Variants in ADRA1B observed in about 807,000 individuals in gnomAD.
The protein encoded by ADRA1B is adrenoceptor alpha 1B.
ADRA1B carries 17 observed loss-of-function variants against 17.9 expected under a neutral mutation model. That is an observed-to-expected ratio of 0.95 (90% CI 0.65 to 1.42). ADRA1B has a LOEUF of 1.42. Ranked by LOEUF, ADRA1B falls within the 40% of genes most tolerant of loss-of-function variation. The pLI is 0.00. For synonymous variants in ADRA1B, 366 were observed against 327.6 expected (o/e 1.12, Z -1.27); for missense variants, 681 against 722.1 (o/e 0.94, Z 0.65).
the ADRA1B span, among the ~76,000 whole-genome samples, chr5:159,980,267 G>A: frequency 6.6e-6 from 1 of 152,052 alleles, no homozygotes; most frequent in South Asian, 2.1e-4. Context: ...GCCCCATTAC[G>A]GTTTTCATGT....
At chr5:159,935,737 G>A (rs1286980663) in intron 1 of ADRA1B, among the ~76,000 whole-genome samples, 1 of 152,112 alleles carries the variant, frequency 6.6e-6, no homozygotes, top group Non-Finnish European at 1.5e-5. Flanking sequence ...AGTAGAGACA[G>A]GGTTTCGCCA....
intron 1 of ADRA1B, among the ~76,000 whole-genome samples, chr5:159,871,662 C>G (rs370238683): frequency 1.2e-4 from 19 of 152,062 alleles, no homozygotes; most frequent in South Asian, 4.2e-4. Flanking sequence ...CTTCAAAAGC[C>G]CCATTTCCAT....
At chr5:159,973,970 ACTT>A (rs1440392939), downstream of ADRA1B, among the ~76,000 whole-genome samples, 7 of 152,042 alleles carry the variant, frequency 4.6e-5, no homozygotes, top group Non-Finnish European at 8.8e-5. Context: ...TTTTCTTTCT[ACTT>A]TGCTTTTCTA....
At chr5:159,971,855 T>TGGGGG in intron 1 of ADRA1B, 24 bp from the exon 2 acceptor site, 2 of 435,032 alleles carry the variant, frequency 4.6e-6, no homozygotes, top group East Asian at 7.7e-5. Context: ...TTTCTGCCCG[T>TGGGGG]GCCCACCCCC....
chr5:159,878,522 T>A (rs1364133492), intron 1 of ADRA1B, among the ~76,000 whole-genome samples: 1 of 147,288 alleles, frequency 6.8e-6, no homozygotes, highest in Non-Finnish European at 1.5e-5. Context: ...AATGTGTTAT[T>A]GGCTGATAAC....
At chr5:159,962,566 G>A (rs758126876) in intron 1 of ADRA1B, among the ~76,000 whole-genome samples, 43 of 152,116 alleles carry the variant, frequency 2.8e-4, no homozygotes, top group Non-Finnish European at 5.4e-4. Context: ...ATCCCACCCT[G>A]CTCAGGGAGC....
chr5:159,938,846 G>A (rs1755027161), intron 1 of ADRA1B, among the ~76,000 whole-genome samples: 2 of 152,226 alleles, frequency 1.3e-5, no homozygotes, highest in Non-Finnish European at 2.9e-5. Flanking sequence ...CCTCAGCGAT[G>A]CCTAGAAAAT....
the ADRA1B span, among the ~76,000 whole-genome samples, chr5:159,979,084 G>T: frequency 6.6e-6 from 1 of 152,132 alleles, no homozygotes; most frequent in Admixed American, 6.6e-5. Context: ...TCAGCACTTT[G>T]GGAGGCCGAG....
At chr5:159,947,944 A>G in intron 1 of ADRA1B, 1 of 985,452 alleles carries the variant, frequency 1.0e-6, no homozygotes, top group South Asian at 4.7e-5. Flanking sequence ...TCCAAGCTCC[A>G]GCTGTCCCTG....
In ADRA1B at chr5:159,901,390, AGGAGGAGGAGGAGGAAGG is replaced by A. The variant is rs1369431002; in HGVS notation, c.-255-14721_-255-14704del. 1.2e-4 allele frequency among the ~76,000 whole-genome samples: 13 copies of A among 107,464 alleles called. No homozygotes were observed. The East Asian group carries it at 3.7e-3, about 31-fold the overall frequency. 70.5% of individuals were successfully genotyped at this position (107,464 alleles called of 152,430 possible). A position where few individuals can be genotyped will look rare whatever the true frequency, so the allele number is the denominator to read the frequency against. ...TACAAGAAGAGGAAGGAGGAGGAGG[AGGAGGAGGAGGAGGAAGG>A]GGAGGAGAAGGGGGAGGGAGAGGGG... On this transcript the variant is annotated intron_variant, in intron 1 of 2. Coordinates refer to the ADRA1B transcript ENST00000641205.
intron 1 of ADRA1B, among the ~76,000 whole-genome samples, chr5:159,931,195 A>G (rs1483726719): frequency 1.4e-5 from 2 of 143,474 alleles, no homozygotes; most frequent in Non-Finnish European, 3.0e-5. Flanking sequence ...TTCGAGACCA[A>G]TCTGGGCAAC....
At chr5:159,882,259 T>C (rs1209275054) in intron 1 of ADRA1B, among the ~76,000 whole-genome samples, 2 of 152,160 alleles carry the variant, frequency 1.3e-5, no homozygotes, top group Non-Finnish European at 2.9e-5. Flanking sequence ...CCTCAGACCT[T>C]GAGGGTTCCC....
chr5:159,948,015 A>C, intron 1 of ADRA1B: 1 of 985,460 alleles, frequency 1.0e-6, no homozygotes. Flanking sequence ...CTGCTGTCTA[A>C]TTAGTAAGCA....
At chr5:159,874,612 T>C (rs565417455) in intron 1 of ADRA1B, among the ~76,000 whole-genome samples, 11 of 152,342 alleles carry the variant, frequency 7.2e-5, no homozygotes, top group African/African-American at 2.6e-4. Flanking sequence ...TTCTCTGAAG[T>C]CTTGCAACAA....
At chr5:159,962,623 A>G (rs1020700937) in intron 1 of ADRA1B, among the ~76,000 whole-genome samples, 2 of 151,812 alleles carry the variant, frequency 1.3e-5, no homozygotes, top group Admixed American at 1.3e-4. Flanking sequence ...TTGGCGGCAC[A>G]TAACAAGGAC....
At chr5:159,868,227 GATA>G (rs1753687406) in intron 1 of ADRA1B, 1 of 152,304 alleles carries the variant, frequency 6.6e-6, no homozygotes, top group African/African-American at 2.4e-5. Context: ...GGTTAATAAT[GATA>G]ATAAATTATG....
chr5:159,965,210 C>T (rs1180215441), intron 1 of ADRA1B, among the ~76,000 whole-genome samples: 1 of 152,192 alleles, frequency 6.6e-6, no homozygotes, highest in East Asian at 1.9e-4. Flanking sequence ...GAGTCACTCC[C>T]CTCACCCTCA....
chr5:159,908,174 G>A (rs989927310), intron 1 of ADRA1B, among the ~76,000 whole-genome samples: 1 of 152,194 alleles, frequency 6.6e-6, no homozygotes, highest in Non-Finnish European at 1.5e-5. Flanking sequence ...ACATATTTGT[G>A]TTGTGCACAC....
At chr5:159,868,054 T>G (rs777116506) in intron 1 of ADRA1B, 8 of 152,206 alleles carry the variant, frequency 5.3e-5, no homozygotes, top group Non-Finnish European at 1.0e-4. Flanking sequence ...TGGCACCAAC[T>G]TACCATGTAA....
Sources: allele counts gnomAD v4.1 joint callset (sites outside exome capture counted in the v4.1 genomes callset), GRCh38; gene constraint gnomAD v4.1.1; transcripts MANE v1.5; gene names NCBI Gene and HGNC (gene_info 2026-07-23, HGNC 2026-07-21).